The following PIAS1 variants were observed in gnomAD, a reference collection of about 807,000 sequenced individuals.
The protein encoded by PIAS1 is protein inhibitor of activated STAT 1.
Under a neutral mutation model 71.3 loss-of-function variants are expected in PIAS1, and 6 were observed. The observed-to-expected ratio is 0.08, with a 90% CI of 0.05 to 0.17. The LOEUF is 0.17. PIAS1 is among the 10% of genes least tolerant of loss of function. The pLI, the probability that PIAS1 is intolerant of heterozygous loss-of-function variation, is 1.00. For missense variants in PIAS1, 555 were observed against 793.6 expected, an observed-to-expected ratio of 0.70 and a Z score of 3.61; for synonymous variants, 303 against 292.9, an observed-to-expected ratio of 1.03 and a Z score of -0.35.
chr15:68,070,717 T>C (rs1466306917), intron 1 of PIAS1, among the ~76,000 whole-genome samples: 2 of 151,988 alleles, frequency 1.3e-5, no homozygotes, highest in East Asian at 3.8e-4. Flanking sequence ...TTGATATTGA[T>C]TGCATGTTGA....
chr15:68,132,704 T>C lies in PIAS1; in HGVS notation c.470-9242T>C, dbSNP rs564514999. 4.7e-4 allele frequency among the ~76,000 whole-genome samples: 71 copies of C among 152,240 alleles called. 2 individuals are homozygous for C. The highest frequency in any genetic ancestry group is 4.4e-3 in the South Asian group (21 of 4,822). ...AATTGGCTATAAAACTAGGGTTAAG[T>C]TCAATTTGAGTGGCAAAATAGAGCT... is the stretch of plus-strand genomic sequence containing the variant. On this transcript the variant is annotated intron_variant, in intron 2 of 13. Coordinates refer to ENST00000249636, the MANE Select transcript of PIAS1 (RefSeq NM_016166.3).
chr15:68,083,775 A>C (rs1007940887), intron 1 of PIAS1, among the ~76,000 whole-genome samples: 104 of 152,050 alleles, frequency 6.8e-4, no homozygotes, highest in African/African-American at 2.1e-3. Context: ...AAAAAAAAAA[A>C]AAAACACCCA....
At chr15:68,078,500 T>A (rs1488039899) in intron 1 of PIAS1, among the ~76,000 whole-genome samples, 1 of 152,238 alleles carries the variant, frequency 6.6e-6, no homozygotes, top group African/African-American at 2.4e-5. Context: ...TTCCACTGCC[T>A]GCTCATGTTA....
chr15:68,129,209 C>T (rs1007095899), intron 2 of PIAS1, among the ~76,000 whole-genome samples: 3 of 152,072 alleles, frequency 2.0e-5, no homozygotes, highest in Non-Finnish European at 4.4e-5. Flanking sequence ...ACTGTAGGCA[C>T]ATACCACCAC....
Position 68,086,895 on chromosome 15 carries a change from G to A in PIAS1, c.469+145G>A. ...TAATAATGAAGATCTTTCAAATTTAGATAAAATCAAATATATAAAAGCTGT... is the reference window on the plus strand; with the variant it reads ...TAATAATGAAGATCTTTCAAATTTAAATAAAATCAAATATATAAAAGCTGT... On this transcript the variant is annotated intron_variant, in intron 2 of 13. Transcript: ENST00000249636. The surrounding 1 kb of genome is among the most constrained non-coding windows in gnomAD (Gnocchi z 7.2). The A allele has an allele frequency of 3.5e-6, 2 of 574,036 alleles. No homozygotes were observed. The highest frequency in any genetic ancestry group is 3.1e-6 in the Non-Finnish European group (1 of 327,274). 35.6% of individuals were successfully genotyped at this position (574,036 alleles called of 1,614,324 possible). A position where few individuals can be genotyped will look rare whatever the true frequency, so the allele number is the denominator to read the frequency against.
intron 1 of PIAS1, among the ~76,000 whole-genome samples, chr15:68,082,554 G>C (rs1040140505): frequency 9.9e-5 from 15 of 152,140 alleles, no homozygotes; most frequent in South Asian, 2.1e-4. Context: ...GGAAAGCAAA[G>C]TTATACAGAA....
At chr15:68,116,054 A>G (rs2092562449) in intron 2 of PIAS1, among the ~76,000 whole-genome samples, 1 of 151,990 alleles carries the variant, frequency 6.6e-6, no homozygotes, top group Non-Finnish European at 1.5e-5. Flanking sequence ...AGAATGAGTT[A>G]AGCATTTCTT....
intron 1 of PIAS1, among the ~76,000 whole-genome samples, chr15:68,074,850 T>G (rs1026944458): frequency 3.3e-5 from 5 of 151,890 alleles, no homozygotes; most frequent in Non-Finnish European, 7.4e-5. Flanking sequence ...CTTTTTTTTT[T>G]TCTTTTTGCT....
chr15:68,065,139 C>G (rs748106180), intron 1 of PIAS1, among the ~76,000 whole-genome samples: 14 of 151,476 alleles, frequency 9.2e-5, no homozygotes, highest in Non-Finnish European at 1.3e-4. Flanking sequence ...AGTTTTTTTG[C>G]GGGGGGGATG....
intron 2 of PIAS1, among the ~76,000 whole-genome samples, chr15:68,108,578 T>C (rs567100335): frequency 1.3e-5 from 2 of 152,330 alleles, no homozygotes; most frequent in Admixed American, 1.3e-4. Context: ...ACCTCTCTCA[T>C]GAGTTCTGGA....
chr15:68,135,077 T>C (rs368973901), intron 2 of PIAS1, among the ~76,000 whole-genome samples: 14 of 27,816 alleles, frequency 5.0e-4, no homozygotes, highest in Non-Finnish European at 8.0e-4. Context: ...CCGGACGGGG[T>C]GGCTGGCCGG....
Position 68,187,565 on chromosome 15 carries a change from C to T in PIAS1, c.1686C>T (p.Ala562=), listed in dbSNP as rs368352013. Reference sequence around the variant, plus strand: ...AGCATTACAACACCTCCTTGCTTGCCGCTGCAGCAGCAGCAGTTTCAGATG... The same window carrying T: ...AGCATTACAACACCTCCTTGCTTGCTGCTGCAGCAGCAGCAGTTTCAGATG... ...DNQHYNTSLL[A]AAAAAVSDDQ... Residue 562 remains alanine, a synonymous_variant, in exon 14 of 14, where the codon GCC becomes GCT. Transcript: ENST00000249636. This position sits in a 1 kb window ranked among gnomAD's most constrained non-coding sequence, Gnocchi z 5.3. 2.0e-5 allele frequency: 33 copies of T among 1,613,770 alleles called. No homozygotes were observed. The highest frequency in any genetic ancestry group is 2.7e-5 in the Non-Finnish European group (32 of 1,179,724).
At chr15:68,088,370 T>C (rs1204949332) in intron 2 of PIAS1, among the ~76,000 whole-genome samples, 2 of 151,880 alleles carry the variant, frequency 1.3e-5, no homozygotes, top group South Asian at 2.1e-4. Flanking sequence ...GCAGTGATTA[T>C]ATATTCGCAA....
At chr15:68,079,815 T>A (rs1050373502) in intron 1 of PIAS1, among the ~76,000 whole-genome samples, 50 of 151,932 alleles carry the variant, frequency 3.3e-4, no homozygotes, top group Admixed American at 7.9e-4. Context: ...TCCAATGTTA[T>A]AACATTCTGA....
At chr15:68,094,174 AGTT>A (rs2092355426) in intron 2 of PIAS1, among the ~76,000 whole-genome samples, 1 of 151,802 alleles carries the variant, frequency 6.6e-6, no homozygotes, top group African/African-American at 2.4e-5. Flanking sequence ...TTAAAGGTAC[AGTT>A]GTTCTTACTT....
At position 68,187,307 on chromosome 15, in the gene PIAS1, C is replaced by T. The variant is rs1432546890; in HGVS notation, c.1663-235C>T. 3.9e-5 allele frequency among the ~76,000 whole-genome samples: 6 copies of T among 152,088 alleles called. No homozygotes were observed. The highest frequency in any genetic ancestry group is 8.8e-5 in the Non-Finnish European group (6 of 68,020). On this transcript the variant is annotated intron_variant, in intron 13 of 13. Coordinates refer to ENST00000249636, the MANE Select transcript of PIAS1 (RefSeq NM_016166.3). The surrounding 1 kb of genome is among the most constrained non-coding windows in gnomAD (Gnocchi z 5.3). Reference sequence around the variant, plus strand: ...TTGCAATACAAACTAAAACAAAAAACAATAAAATTTATATTTTGTTTTTCC... The same window carrying T: ...TTGCAATACAAACTAAAACAAAAAATAATAAAATTTATATTTTGTTTTTCC...
At chr15:68,124,948 C>T (rs938160211) in intron 2 of PIAS1, among the ~76,000 whole-genome samples, 1 of 152,152 alleles carries the variant, frequency 6.6e-6, no homozygotes, top group Admixed American at 6.5e-5. Flanking sequence ...TGATTTCCCA[C>T]CATGGGAGAT....
intron 10 of PIAS1, 67 bp downstream of exon 10, chr15:68,175,834 A>G: frequency 9.0e-7 from 1 of 1,116,418 alleles, no homozygotes; most frequent in Non-Finnish European, 1.2e-6. Context: ...CAATATTAAA[A>G]TCCATATATT....
In PIAS1 at chr15:68,186,732, C is replaced by T. The variant is rs960595531; in HGVS notation, c.1663-810C>T. ...TCTTTTATACCATATTTTTACTGTA[C>T]CTTTTCTATGTTGAGATATACACAT... On this transcript the variant is annotated intron_variant, in intron 13 of 13. Coordinates refer to ENST00000249636, the MANE Select transcript of PIAS1 (RefSeq NM_016166.3). The surrounding 1 kb of genome is among the most constrained non-coding windows in gnomAD (Gnocchi z 4.4). 2.6e-5 allele frequency among the ~76,000 whole-genome samples: 4 copies of T among 152,182 alleles called. No homozygotes were observed. The highest frequency in any genetic ancestry group is 9.7e-5 in the African/African-American group (4 of 41,434).
Sources: allele counts gnomAD v4.1 joint callset (sites outside exome capture counted in the v4.1 genomes callset), GRCh38; gene constraint gnomAD v4.1.1; non-coding constraint Gnocchi (gnomAD v3.1); transcripts MANE v1.5; gene names NCBI Gene and HGNC (gene_info 2026-07-23, HGNC 2026-07-21).